TLE1: variants seen among roughly 807,000 people sequenced by gnomAD.
TLE1 encodes TLE family member 1, transcriptional corepressor, also known as transducin-like enhancer protein 1.
Under a neutral mutation model 89.8 loss-of-function variants are expected in TLE1, and 21 were observed. The observed-to-expected ratio is 0.23, with a 90% CI of 0.17 to 0.34. The LOEUF (loss-of-function observed/expected upper bound fraction) is 0.34. Among genes scored for constraint, TLE1 ranks in the 10% least tolerant of loss-of-function variants. The pLI, the probability that TLE1 is intolerant of heterozygous loss-of-function variation, is 1.00. For synonymous variants in TLE1, 447 were observed against 407.6 expected, an observed-to-expected ratio of 1.10 and a Z score of -1.16; for missense variants, 795 against 1,031.2, an observed-to-expected ratio of 0.77 and a Z score of 3.14.
At chr9:81,660,971 ACACACAC>A (rs1424591300) in intron 4 of TLE1, among the ~76,000 whole-genome samples, 16 of 112,092 alleles carry the variant, frequency 1.4e-4, no homozygotes, top group Admixed American at 2.7e-4. Flanking sequence ...ACACACACAC[ACACACAC>A]ATTTAGCCTG....
At chr9:81,636,855 A>T (rs2018988) in intron 6 of TLE1, among the ~76,000 whole-genome samples, 136,432 of 151,952 alleles carry the variant, frequency 0.9, 61,240 homozygotes, top group Admixed American at 0.91. Flanking sequence ...ATACAACAAT[A>T]AGCCAGGTGT....
At chr9:81,617,053 G>C (rs1374480635) in intron 9 of TLE1, among the ~76,000 whole-genome samples, 1 of 150,382 alleles carries the variant, frequency 6.6e-6, no homozygotes, top group Non-Finnish European at 1.5e-5. Flanking sequence ...TCTTTAATTT[G>C]AGATCTGCAC....
At chr9:81,610,675 G>A (rs1264791025) in intron 13 of TLE1, among the ~76,000 whole-genome samples, 1 of 152,010 alleles carries the variant, frequency 6.6e-6, no homozygotes, top group African/African-American at 2.4e-5. Flanking sequence ...GGCCGTCCTG[G>A]GCGTTGCAGG....
chr9:81,649,375 A>T (rs1008185612), intron 6 of TLE1, among the ~76,000 whole-genome samples: 8 of 152,130 alleles, frequency 5.3e-5, no homozygotes, highest in African/African-American at 1.4e-4. Flanking sequence ...CCCAAGACAC[A>T]CCTTGAACTA....
Position 81,688,358 on chromosome 9 carries a change from T to G in TLE1, c.-118A>C. ...AGCCAAGCAGAAGCGGGGAGCGCGC[T>G]GGCCACGCACGCGCGCTCCGCCGGG... On this transcript the variant is annotated 5_prime_UTR_variant, in exon 1 of 20. Coordinates refer to ENST00000376499, the MANE Select transcript of TLE1 (RefSeq NM_005077.5). 4 of 1,169,618 alleles carry G rather than the reference T, an allele frequency of 3.4e-6. No individual in the cohort carries two copies. Among genetic ancestry groups the G allele is most frequent in the Admixed American group, 8.2e-5 (2 of 24,346 alleles). The allele number at this position is 1,169,618 out of a possible 1,614,324, so 72.5% of individuals were successfully genotyped here.
chr9:81,644,239 G>A (rs1451198347), intron 6 of TLE1, among the ~76,000 whole-genome samples: 1 of 152,224 alleles, frequency 6.6e-6, no homozygotes, highest in African/African-American at 2.4e-5. Context: ...ACAAATCCAA[G>A]AGAAAACATG....
At chr9:81,683,741 C>T (rs190611228) in intron 4 of TLE1, among the ~76,000 whole-genome samples, 141 of 152,232 alleles carry the variant, frequency 9.3e-4, no homozygotes, top group African/African-American at 3.3e-3. Flanking sequence ...CAGCTTTTCA[C>T]GTTTTTCAAA....
intron 8 of TLE1, among the ~76,000 whole-genome samples, chr9:81,629,957 A>G (rs1018651029): frequency 6.6e-6 from 1 of 152,204 alleles, no homozygotes; most frequent in African/African-American, 2.4e-5. Context: ...TTTTCCTACC[A>G]TAAAATCTTT....
At chr9:81,587,926 G>A in intron 16 of TLE1, 98 bp from the exon 17 acceptor site, 9 of 880,882 alleles carry the variant, frequency 1.0e-5, no homozygotes, top group African/African-American at 3.5e-5. Context: ...GTGTGTGTGT[G>A]TGTGTGTGTG....
intron 4 of TLE1, among the ~76,000 whole-genome samples, chr9:81,662,951 G>A (rs2627018): frequency 0.21 from 31,313 of 151,788 alleles, 3,701 homozygotes; most frequent in South Asian, 0.43. Flanking sequence ...GGGCTTAAGC[G>A]ATTCTCATGC....
chr9:81,677,739 G>A (rs530013218), intron 4 of TLE1, among the ~76,000 whole-genome samples: 115 of 152,138 alleles, frequency 7.6e-4, no homozygotes, highest in African/African-American at 2.7e-3. Flanking sequence ...TTGACAAACT[G>A]CAAGATTTGG....
intron 4 of TLE1, among the ~76,000 whole-genome samples, chr9:81,663,347 G>A (rs982447050): frequency 9.0e-4 from 22 of 24,480 alleles, no homozygotes; most frequent in Admixed American, 4.7e-4. Context: ...AGATCATAGA[G>A]CAAGAAGCCA....
At chr9:81,656,511 A>G (rs1830166743) in intron 4 of TLE1, among the ~76,000 whole-genome samples, 1 of 152,230 alleles carries the variant, frequency 6.6e-6, no homozygotes, top group Non-Finnish European at 1.5e-5. Context: ...TATAAAAGAA[A>G]GTTAAAATAA....
At chr9:81,629,903 C>T (rs1041163952) in intron 8 of TLE1, among the ~76,000 whole-genome samples, 9 of 152,136 alleles carry the variant, frequency 5.9e-5, no homozygotes, top group Non-Finnish European at 2.9e-5. Context: ...CTTCTATTTC[C>T]TAGGCTTCAC....
Position 81,687,565 on chromosome 9 carries a change from C to G in TLE1, c.25-131G>C, listed in dbSNP as rs892970484. ...AAGTGGCTGAAAACGAGGCCCCAAA[C>G]TCGAGTTTGCCCTTCACTATGGGGA... On this transcript the variant is annotated intron_variant, in intron 1 of 19. Coordinates refer to ENST00000376499, the MANE Select transcript of TLE1 (RefSeq NM_005077.5). 16 of 664,804 alleles carry G rather than the reference C, an allele frequency of 2.4e-5. No individual in the cohort carries two copies. In the African/African-American group the frequency reaches 2.5e-4, roughly 10 times the overall value. 41.2% of individuals were successfully genotyped at this position (664,804 alleles called of 1,614,324 possible). A position where few individuals can be genotyped will look rare whatever the true frequency, so the allele number is the denominator to read the frequency against.
In TLE1 at chr9:81,611,969, A is replaced by C. The variant is rs758570134; in HGVS notation, c.1064-10T>G. 4.9e-6 allele frequency: 7 copies of C among 1,436,422 alleles called. No homozygotes were observed. The South Asian group carries it at 6.5e-5, about 13-fold the overall frequency. 89.0% of individuals were successfully genotyped at this position (1,436,422 alleles called of 1,614,324 possible). A position where few individuals can be genotyped will look rare whatever the true frequency, so the allele number is the denominator to read the frequency against. ...GTCCTCAAGCCAGCTGCTGAAAGGA[A>C]ACACAAGCCGCACATCATTCAACTG... On this transcript the variant is annotated splice_polypyrimidine_tract_variant and intron_variant, in intron 12 of 19. Transcript: ENST00000376499.
rs367552658 is a variant in TLE1 at position 81,590,789 on chromosome 9, G to A, written c.1829+16C>T. The A allele has an allele frequency of 3.1e-5, 50 of 1,608,168 alleles. No homozygotes were observed. Among genetic ancestry groups the A allele is most frequent in the African/African-American group, 3.1e-4 (23 of 74,912 alleles). ...TAAAGAAGCGAACCCCTCCTTAGAC[G>A]ACCATCTTTGCTCACCTCACTAGTG... On this transcript the variant is annotated intron_variant, in intron 16 of 19. Coordinates refer to ENST00000376499, the MANE Select transcript of TLE1 (RefSeq NM_005077.5).
chr9:81,641,054 T>C (rs1054276276), intron 6 of TLE1, among the ~76,000 whole-genome samples: 1 of 152,190 alleles, frequency 6.6e-6, no homozygotes, highest in African/African-American at 2.4e-5. Flanking sequence ...GTAAGTGGCA[T>C]TTATAGCACC....
chr9:81,585,857 CCT>C (rs1393398591), intron 17 of TLE1, among the ~76,000 whole-genome samples: 1 of 152,066 alleles, frequency 6.6e-6, no homozygotes, highest in Non-Finnish European at 1.5e-5. Flanking sequence ...CATTTGAACC[CCT>C]CTGTCTTTTG....
Sources: gnomAD v4.1 joint callset for allele counts (sites outside exome capture counted in the v4.1 genomes callset) on GRCh38, gnomAD v4.1.1 for gene constraint, MANE v1.5 for transcripts, NCBI Gene and HGNC (gene_info 2026-07-23, HGNC 2026-07-21) for gene names.